Variants in R3HDML observed in about 807,000 individuals in gnomAD.
R3HDML encodes the protein R3H domain containing like.
A neutral mutation model predicts 24.2 loss-of-function variants in R3HDML; 21 were observed. That is an observed-to-expected ratio of 0.87 (90% CI 0.62 to 1.25). The LOEUF is 1.25. Ranked by LOEUF, R3HDML falls within the 50% of genes most tolerant of loss-of-function variation. R3HDML has a pLI of 0.00. For missense variants in R3HDML, 301 were observed against 340.3 expected (o/e 0.88, Z 0.91); for synonymous variants, 133 against 131.5 (o/e 1.01, Z -0.08).
At chr20:44,344,803 C>T (rs2062781664) in intron 3 of R3HDML, 1 of 160,182 alleles carries the variant, frequency 6.2e-6, no homozygotes, top group Admixed American at 6.1e-5. Context: ...TAAATAAAAA[C>T]ATTAGTGACT....
chr20:44,338,682 AG>A (rs2062764268), intron 1 of R3HDML, among the ~76,000 whole-genome samples: 1 of 152,186 alleles, frequency 6.6e-6, no homozygotes, highest in African/African-American at 2.4e-5. Context: ...GACTCCAGGG[AG>A]GGCCTGAACA....
intron 1 of R3HDML, among the ~76,000 whole-genome samples, chr20:44,340,941 T>C (rs1412816593): frequency 6.6e-6 from 1 of 152,264 alleles, no homozygotes; most frequent in African/African-American, 2.4e-5. Context: ...ACGAACACCC[T>C]GGGACCTGCT....
At chr20:44,346,162 C>T (rs2062786450) in intron 4 of R3HDML, among the ~76,000 whole-genome samples, 1 of 151,990 alleles carries the variant, frequency 6.6e-6, no homozygotes, top group African/African-American at 2.4e-5. Context: ...CCTCTGTTGC[C>T]CAGGCTGGAG....
chr20:44,349,613 C>T (rs969412807), intron 4 of R3HDML, among the ~76,000 whole-genome samples: 1 of 152,108 alleles, frequency 6.6e-6, no homozygotes, highest in Non-Finnish European at 1.5e-5. Flanking sequence ...TCAACAATCA[C>T]GTTTGGAGAA....
intron 4 of R3HDML, among the ~76,000 whole-genome samples, chr20:44,349,817 T>A (rs1354503008): frequency 6.6e-6 from 1 of 152,032 alleles, no homozygotes; most frequent in Non-Finnish European, 1.5e-5. Context: ...CGTCTGTAAT[T>A]CCAGCACTTT....
At chr20:44,348,948 C>T (rs1233034742) in intron 4 of R3HDML, among the ~76,000 whole-genome samples, 13 of 152,040 alleles carry the variant, frequency 8.6e-5, no homozygotes, top group South Asian at 8.3e-4. Flanking sequence ...GTCAGGAGGT[C>T]GAGACCAGCC....
rs772759796 is a variant in R3HDML at position 44,350,648 on chromosome 20, TTTCTC to T, written c.630-8_630-4del. 1.1e-5 allele frequency: 17 copies of T among 1,611,406 alleles called. No homozygotes were observed. Among genetic ancestry groups the T allele is most frequent in the Middle Eastern group, 1.7e-4 (1 of 6,030 alleles). On this transcript the variant is annotated splice_region_variant and splice_polypyrimidine_tract_variant and intron_variant, in intron 4 of 4. Coordinates refer to ENST00000217043, the MANE Select transcript of R3HDML (RefSeq NM_178491.4). ...ATGCTCCTCTGTCTCCCTGGGTCCT[TTTCTC>T]TTCCAGGGGCAACTGGATTGGCGAG...
chr20:44,346,880 A>G (rs898142641), intron 4 of R3HDML, among the ~76,000 whole-genome samples: 2 of 152,208 alleles, frequency 1.3e-5, no homozygotes, highest in African/African-American at 4.8e-5. Context: ...AGTGTCTTAC[A>G]CCTGCAATCC....
At chr20:44,340,777 G>C (rs1198632450) in intron 1 of R3HDML, among the ~76,000 whole-genome samples, 2 of 152,142 alleles carry the variant, frequency 1.3e-5, no homozygotes, top group Non-Finnish European at 2.9e-5. Flanking sequence ...CTGCACTCCA[G>C]CTTGGGTGAC....
intron 4 of R3HDML, 91 bp downstream of exon 4, chr20:44,345,469 A>G (rs2062783988): frequency 1.2e-6 from 1 of 862,768 alleles, no homozygotes; most frequent in Non-Finnish European, 1.9e-6. Flanking sequence ...TCCCTTCTTC[A>G]TTCTAAGTGC....
chr20:44,346,780 G>A (rs1316809175), intron 4 of R3HDML, among the ~76,000 whole-genome samples: 1 of 152,228 alleles, frequency 6.6e-6, no homozygotes. Context: ...GGAGATGCCT[G>A]CATACAAGCC....
intron 2 of R3HDML, among the ~76,000 whole-genome samples, chr20:44,343,037 C>T (rs2062776161): frequency 6.6e-6 from 1 of 152,188 alleles, no homozygotes; most frequent in African/African-American, 2.4e-5. Context: ...CAGTATCTGC[C>T]TTCTCCTCAC....
At chr20:44,340,151 CA>C (rs2062768389) in intron 1 of R3HDML, among the ~76,000 whole-genome samples, 1 of 152,018 alleles carries the variant, frequency 6.6e-6, no homozygotes, top group African/African-American at 2.4e-5. Context: ...GACAGGGTTT[CA>C]CCATGTTGGC....
intron 4 of R3HDML, among the ~76,000 whole-genome samples, chr20:44,346,039 C>T (rs2062786047): frequency 6.6e-6 from 1 of 152,162 alleles, no homozygotes; most frequent in Non-Finnish European, 1.5e-5. Flanking sequence ...AGACTGGTCT[C>T]AAACCCCTAA....
Position 44,350,855 on chromosome 20 carries a change from A to C in R3HDML, c.*63A>C. On this transcript the variant is annotated 3_prime_UTR_variant, in exon 5 of 5. Coordinates refer to ENST00000217043, the MANE Select transcript of R3HDML (RefSeq NM_178491.4). ...GACCCTCCATGTCCTGCCCTCAAAA[A>C]ACTGGGTGGAGAAATAATTGTTTCT... 6 of 1,567,314 alleles carry C rather than the reference A, an allele frequency of 3.8e-6. No homozygotes were observed. Among genetic ancestry groups the C allele is most frequent in the Non-Finnish European group, 5.2e-6 (6 of 1,152,846 alleles).
At chr20:44,349,280 C>T (rs1247556066) in intron 4 of R3HDML, among the ~76,000 whole-genome samples, 1 of 151,990 alleles carries the variant, frequency 6.6e-6, no homozygotes, top group African/African-American at 2.4e-5. Flanking sequence ...CATGGGAAAT[C>T]GACCGTTTTC....
intron 4 of R3HDML, 126 bp from the exon 5 acceptor site, chr20:44,350,534 A>G (rs1281002788): frequency 1.6e-5 from 12 of 765,980 alleles, no homozygotes; most frequent in Non-Finnish European, 2.2e-5. Flanking sequence ...AAAGAAACCA[A>G]GGCTTGCAGA....
intron 2 of R3HDML, among the ~76,000 whole-genome samples, chr20:44,341,713 C>T (rs552669000): frequency 2.0e-5 from 3 of 152,146 alleles, no homozygotes; most frequent in African/African-American, 7.2e-5. Flanking sequence ...GGTGAAACCC[C>T]GTCTCTACCA....
chr20:44,339,259 G>A (rs763516692), intron 1 of R3HDML, among the ~76,000 whole-genome samples: 19 of 151,914 alleles, frequency 1.3e-4, no homozygotes, highest in Non-Finnish European at 2.2e-4. Context: ...CTCTCACACC[G>A]ACCAGGACTG....
Sources: gnomAD v4.1 joint callset for allele counts (sites outside exome capture counted in the v4.1 genomes callset) on GRCh38, gnomAD v4.1.1 for gene constraint, MANE v1.5 for transcripts, NCBI Gene and HGNC (gene_info 2026-07-23, HGNC 2026-07-21) for gene names.